KIAA2012: variants seen among roughly 807,000 people sequenced by gnomAD.
KIAA2012 encodes uncharacterized protein KIAA2012.
KIAA2012 carries 125 observed loss-of-function variants against 150.6 expected under a neutral mutation model. That is an observed-to-expected ratio of 0.83 (90% confidence interval 0.72 to 0.96). The LOEUF (loss-of-function observed/expected upper bound fraction) is 0.96, where lower values mean the gene tolerates loss of function less well. KIAA2012 is among the 40% of genes least tolerant of loss of function. The probability of loss-of-function intolerance (pLI) is 0.00; values close to 1 mark genes in which losing one functional copy is unlikely to be tolerated. For synonymous variants in KIAA2012, 462 were observed against 504.7 expected, an observed-to-expected ratio of 0.92 and a Z score of 1.13; for missense variants, 1,219 against 1,354.9, an observed-to-expected ratio of 0.90 and a Z score of 1.57.
intron 14 of KIAA2012, among the ~76,000 whole-genome samples, chr2:202,159,131 G>C (rs536596158): frequency 1.1e-4 from 17 of 152,180 alleles, no homozygotes; most frequent in Non-Finnish European, 2.4e-4. Flanking sequence ...GAAGCAGAAG[G>C]GGGCTGCCCC....
chr2:202,096,009 G>A (rs1436301135), intron 4 of KIAA2012, among the ~76,000 whole-genome samples: 2 of 152,080 alleles, frequency 1.3e-5, no homozygotes, highest in Non-Finnish European at 2.9e-5. Flanking sequence ...GCTTGAACCT[G>A]GGAGGTGGAG....
In KIAA2012 at chr2:202,143,751, TTTAACA is replaced by T. The variant is rs1196915869; in HGVS notation, c.1908+5248_1908+5253del. ...AGCAAATTATCATTGGTTTAAAATA[TTTAACA>T]TTAATCAGGTTTTTATTAGTTTATT... On this transcript the variant is annotated intron_variant, in intron 13 of 23. Transcript: ENST00000498697. Among the ~76,000 whole-genome samples the T allele has an allele frequency of 2.0e-5, 3 of 152,314 alleles. No homozygotes were observed. The East Asian group carries it at 5.8e-4, about 29-fold the overall frequency.
At chr2:202,193,571 T>TCCC (rs1692358893) in intron 20 of KIAA2012, 68 bp downstream of exon 20, 1 of 1,478,554 alleles carries the variant, frequency 6.8e-7, no homozygotes, top group Non-Finnish European at 9.2e-7. Context: ...GTGGTTGACC[T>TCCC]CCCCTAGGGG....
intron 18 of KIAA2012, among the ~76,000 whole-genome samples, chr2:202,189,861 G>A (rs1400026721): frequency 6.6e-6 from 1 of 152,092 alleles, no homozygotes; most frequent in African/African-American, 2.4e-5. Flanking sequence ...GGAGGCTGAG[G>A]TGGGTGGATT....
intron 12 of KIAA2012, among the ~76,000 whole-genome samples, chr2:202,127,551 G>A (rs954377708): frequency 1.3e-5 from 2 of 152,158 alleles, no homozygotes; most frequent in African/African-American, 4.8e-5. Context: ...GCATGGAGAA[G>A]GGGACACTAG....
At chr2:202,081,541 C>CA (rs1689451435) in intron 2 of KIAA2012, among the ~76,000 whole-genome samples, 3 of 140,264 alleles carry the variant, frequency 2.1e-5, no homozygotes, top group East Asian at 2.0e-4. Context: ...TCTTTTTAAA[C>CA]ACTTTTTTTT....
intron 11 of KIAA2012, 109 bp downstream of exon 11, chr2:202,113,555 G>A (rs58778611): frequency 4.0e-5 from 28 of 692,922 alleles, no homozygotes; most frequent in Admixed American, 5.7e-5. Flanking sequence ...AAAAACAGAC[G>A]CAAGTCAGCC....
At chr2:202,154,630 T>C (rs1446549863) in intron 13 of KIAA2012, 43 bp from the exon 14 acceptor site, 3 of 1,506,666 alleles carry the variant, frequency 2.0e-6, no homozygotes, top group East Asian at 4.9e-5. Flanking sequence ...TTGCACTGTA[T>C]ATCATTCATA....
At chr2:202,130,309 C>A (rs1690902914) in intron 12 of KIAA2012, among the ~76,000 whole-genome samples, 1 of 152,190 alleles carries the variant, frequency 6.6e-6, no homozygotes, top group Non-Finnish European at 1.5e-5. Flanking sequence ...TCTAAGGATT[C>A]TTAAAATTCT....
intron 7 of KIAA2012, among the ~76,000 whole-genome samples, chr2:202,100,684 T>C (rs1690020427): frequency 6.6e-6 from 1 of 152,236 alleles, no homozygotes; most frequent in South Asian, 2.1e-4. Flanking sequence ...TTAAAGCATG[T>C]GTTATTACCA....
At chr2:202,120,010 C>G (rs552036580) in intron 11 of KIAA2012, among the ~76,000 whole-genome samples, 4 of 152,340 alleles carry the variant, frequency 2.6e-5, no homozygotes, top group South Asian at 2.1e-4. Flanking sequence ...TGCACAAGCT[C>G]TCTTTGCCTG....
At chr2:202,179,299 C>T (rs1478099604) in intron 15 of KIAA2012, 9 of 1,189,864 alleles carry the variant, frequency 7.6e-6, no homozygotes, top group African/African-American at 1.5e-5. Context: ...GTAAAGATGG[C>T]GGAGCGCGGT....
chr2:202,080,693 T>C (rs1266491043), intron 2 of KIAA2012, among the ~76,000 whole-genome samples: 1 of 60,388 alleles, frequency 1.7e-5, no homozygotes, highest in Non-Finnish European at 2.9e-5. Flanking sequence ...CGAAACTCCG[T>C]CTCAAAAAAA....
chr2:202,114,922 C>T (rs1395995175), intron 11 of KIAA2012: 1 of 165,278 alleles, frequency 6.1e-6, no homozygotes, highest in African/African-American at 2.4e-5. Flanking sequence ...ATGAGTTAGC[C>T]ACTGACCTTT....
chr2:202,114,700 A>G (rs1433180604), intron 11 of KIAA2012: 1 of 165,178 alleles, frequency 6.1e-6, no homozygotes, highest in Non-Finnish European at 1.5e-5. Flanking sequence ...TGACATATAC[A>G]TAGAAGGGTC....
intron 15 of KIAA2012, among the ~76,000 whole-genome samples, chr2:202,182,678 AT>A (rs1692144585): frequency 6.6e-6 from 1 of 152,142 alleles, no homozygotes; most frequent in African/African-American, 2.4e-5. Context: ...CTTGGGTAAA[AT>A]ACCTAGGGGT....
chr2:202,198,956 C>T (rs921970091), intron 22 of KIAA2012, among the ~76,000 whole-genome samples: 9 of 152,088 alleles, frequency 5.9e-5, no homozygotes, highest in Non-Finnish European at 1.2e-4. Context: ...TTAGGAAAGC[C>T]CTGACTCCAT....
chr2:202,200,170 G>A (rs1223241508), intron 22 of KIAA2012, among the ~76,000 whole-genome samples: 34 of 151,886 alleles, frequency 2.2e-4, no homozygotes, highest in Non-Finnish European at 2.4e-4. Flanking sequence ...TGACCTCGTG[G>A]TCCACCCACC....
Position 202,156,679 on chromosome 2 carries a change from A to G in KIAA2012, c.2046+1869A>G, listed in dbSNP as rs1691534484. 4.6e-5 allele frequency among the ~76,000 whole-genome samples: 7 copies of G among 152,242 alleles called. No individual in the cohort carries two copies. In the South Asian group the frequency reaches 1.4e-3, roughly 32 times the overall value. On this transcript the variant is annotated intron_variant, in intron 14 of 23. Coordinates refer to ENST00000498697, the MANE Select transcript of KIAA2012 (RefSeq NM_001277372.4). ...GGCGGGCAGATCACGAGGTCAGGAG[A>G]TCGAGACCAGCCTGGCTAACACGGT...
Sources: gnomAD v4.1 joint callset for allele counts (sites outside exome capture counted in the v4.1 genomes callset) on GRCh38, gnomAD v4.1.1 for gene constraint, MANE v1.5 for transcripts, NCBI Gene and HGNC (gene_info 2026-07-23, HGNC 2026-07-21) for gene names.